Variants in C1orf21 observed in about 807,000 individuals in gnomAD.
The protein encoded by C1orf21 is chromosome 1 open reading frame 21, also known as uncharacterized protein C1orf21.
Under a neutral mutation model 18.7 loss-of-function variants are expected in C1orf21, and 3 were observed. The ratio of observed to expected loss-of-function variants is 0.16; its 90% CI spans 0.07 to 0.42. The LOEUF (loss-of-function observed/expected upper bound fraction) is 0.42, where lower values mean the gene tolerates loss of function less well. Ranked by LOEUF, C1orf21 falls within the 10% of genes least tolerant of loss-of-function variation. The probability of loss-of-function intolerance (pLI) is 0.99; values close to 1 mark genes in which losing one functional copy is unlikely to be tolerated. For synonymous variants in C1orf21, 41 were observed against 46.4 expected (o/e 0.88, Z 0.47); for missense variants, 104 against 143.6 (o/e 0.72, Z 1.41).
intron 3 of C1orf21, among the ~76,000 whole-genome samples, chr1:184,569,700 A>G (rs1659082421): frequency 6.6e-6 from 1 of 152,246 alleles, no homozygotes; most frequent in Non-Finnish European, 1.5e-5. Context: ...CCTAAAAAAT[A>G]AAATAGATAA....
At chr1:184,558,816 T>G (rs974650311) in intron 3 of C1orf21, among the ~76,000 whole-genome samples, 1 of 152,218 alleles carries the variant, frequency 6.6e-6, no homozygotes, top group African/African-American at 2.4e-5. Context: ...GAGTGATAAA[T>G]CAGTTGATAC....
chr1:184,408,353 T>A (rs977653094), intron 1 of C1orf21: 1 of 152,196 alleles, frequency 6.6e-6, no homozygotes, highest in African/African-American at 2.4e-5. Context: ...AAATCAAACA[T>A]AAAGCCTGAA....
At chr1:184,451,568 A>G (rs920988041) in intron 1 of C1orf21, among the ~76,000 whole-genome samples, 2 of 150,754 alleles carry the variant, frequency 1.3e-5, no homozygotes, top group Non-Finnish European at 1.5e-5. Context: ...GACTCTCAGA[A>G]TGTTGGGATT....
At chr1:184,581,114 T>C (rs1659268782) in intron 3 of C1orf21, among the ~76,000 whole-genome samples, 2 of 152,064 alleles carry the variant, frequency 1.3e-5, no homozygotes, top group Non-Finnish European at 2.9e-5. Context: ...GCTGGTCGTG[T>C]AGTGTGTGCA....
rs922313733 is a variant in C1orf21 at position 184,620,224 on chromosome 1, T to C, written c.*668T>C. ...TTAATCAAGAATTAAGCTTGCAACA[T>C]TGGCTTTGCTCAGATGCAGATGGAA... On this transcript the variant is annotated 3_prime_UTR_variant, in exon 6 of 6. Coordinates refer to ENST00000235307, the MANE Select transcript of C1orf21 (RefSeq NM_030806.4). 5.2e-5 allele frequency: 8 copies of C among 152,664 alleles called. No individual in the cohort carries two copies. Among genetic ancestry groups the C allele is most frequent in the African/African-American group, 1.9e-4 (8 of 41,466 alleles). 9.5% of individuals were successfully genotyped at this position (152,664 alleles called of 1,614,324 possible).
In C1orf21 at chr1:184,627,070, G is replaced by A. The variant is rs1229539672; in HGVS notation, c.*7514G>A. The A allele has an allele frequency of 1.3e-5, 2 of 152,550 alleles. No homozygotes were observed. The highest frequency in any genetic ancestry group is 2.9e-5 in the Non-Finnish European group (2 of 68,044). The allele number at this position is 152,550 out of a possible 1,614,324, so 9.4% of individuals were successfully genotyped here. On this transcript the variant is annotated 3_prime_UTR_variant, in exon 6 of 6. Coordinates refer to ENST00000235307, the MANE Select transcript of C1orf21 (RefSeq NM_030806.4). ...CACCCGAGTCCTGCCAAAGAAAGGA[G>A]ATTTTTAAAAAGCACAGACAAATTG...
In C1orf21 at chr1:184,462,759, C is replaced by T. The variant is rs562150748; in HGVS notation, c.-124-14627C>T. ...CAAACCAGGTAAAAGAGATTGATTC[C>T]CCCTTCCTCTCCATCCAACATCAGA... On this transcript the variant is annotated intron_variant, in intron 1 of 5. Transcript: ENST00000235307. 1.5e-3 allele frequency among the ~76,000 whole-genome samples: 231 copies of T among 151,976 alleles called. 3 individuals are homozygous for T. Among genetic ancestry groups the T allele is most frequent in the Admixed American group, 0.015 (231 of 15,266 alleles).
At chr1:184,564,469 G>C (rs370526971) in intron 3 of C1orf21, among the ~76,000 whole-genome samples, 1 of 151,968 alleles carries the variant, frequency 6.6e-6, no homozygotes, top group East Asian at 1.9e-4. Flanking sequence ...CACCATGCCC[G>C]GCTGATTTTT....
At chr1:184,516,226 T>C (rs943653376) in intron 3 of C1orf21, among the ~76,000 whole-genome samples, 7 of 152,216 alleles carry the variant, frequency 4.6e-5, no homozygotes, top group African/African-American at 1.7e-4. Context: ...GTCTTATCTA[T>C]AGAGTTGAGG....
chr1:184,502,158 AT>A (rs11358390), intron 2 of C1orf21, among the ~76,000 whole-genome samples: 152,340 of 152,342 alleles, frequency 1, 76,169 homozygotes, highest in Middle Eastern at 1. Flanking sequence ...CAGACTGGGT[AT>A]TTTTGCAAAC....
chr1:184,412,784 G>A (rs2101962982), intron 1 of C1orf21, among the ~76,000 whole-genome samples: 1 of 152,164 alleles, frequency 6.6e-6, no homozygotes, highest in East Asian at 1.9e-4. Context: ...CTCCAGCCTG[G>A]GCCACAGAGC....
chr1:184,453,965 A>G (rs978870298), intron 1 of C1orf21, among the ~76,000 whole-genome samples: 19 of 152,242 alleles, frequency 1.2e-4, no homozygotes, highest in African/African-American at 4.3e-4. Flanking sequence ...TGAAAGCAAG[A>G]AACAAAGCAT....
intron 3 of C1orf21, among the ~76,000 whole-genome samples, chr1:184,519,518 C>G (rs1658276172): frequency 6.6e-6 from 1 of 152,088 alleles, no homozygotes; most frequent in African/African-American, 2.4e-5. Flanking sequence ...TGCAAGTGGC[C>G]CCATTGAGAC....
At chr1:184,398,396 C>G (rs1396585391) in intron 1 of C1orf21, among the ~76,000 whole-genome samples, 1 of 152,160 alleles carries the variant, frequency 6.6e-6, no homozygotes, top group Non-Finnish European at 1.5e-5. Context: ...AGCGCTCCTA[C>G]TTTAAAGTCA....
chr1:184,527,981 C>A (rs1047597686), intron 3 of C1orf21, among the ~76,000 whole-genome samples: 8 of 152,162 alleles, frequency 5.3e-5, no homozygotes, highest in Non-Finnish European at 1.0e-4. Flanking sequence ...TATTCCAGAA[C>A]CTCTTTGTGC....
chr1:184,410,917 G>A (rs902211616), intron 1 of C1orf21, among the ~76,000 whole-genome samples: 1 of 151,040 alleles, frequency 6.6e-6, no homozygotes, highest in African/African-American at 2.4e-5. Flanking sequence ...CTGCCAAACT[G>A]TTGGGGTTAC....
intron 1 of C1orf21, among the ~76,000 whole-genome samples, chr1:184,417,456 A>G (rs535245514): frequency 1.8e-4 from 27 of 152,222 alleles, no homozygotes; most frequent in Non-Finnish European, 2.9e-4. Flanking sequence ...ACACTACAAT[A>G]AAGTAAAAAT....
At chr1:184,559,523 CTT>C (rs1658926864) in intron 3 of C1orf21, among the ~76,000 whole-genome samples, 1 of 122,778 alleles carries the variant, frequency 8.1e-6, no homozygotes, top group African/African-American at 3.6e-5. Context: ...TCCTTCCTTC[CTT>C]CCTTCCTTCC....
At chr1:184,502,719 T>G (rs1657995590) in intron 2 of C1orf21, among the ~76,000 whole-genome samples, 1 of 152,152 alleles carries the variant, frequency 6.6e-6, no homozygotes, top group African/African-American at 2.4e-5. Context: ...ATGTCTAGTC[T>G]CTGCAAACTT....
Sources: allele counts gnomAD v4.1 joint callset (sites outside exome capture counted in the v4.1 genomes callset), GRCh38; gene constraint gnomAD v4.1.1; transcripts MANE v1.5; gene names NCBI Gene and HGNC (gene_info 2026-07-23, HGNC 2026-07-21).